Variants in SLFN11 observed in about 807,000 individuals in gnomAD.
SLFN11 encodes the protein schlafen family member 11.
In SLFN11, 43 loss-of-function variants were observed where a neutral mutation model predicts 53.4. That is an observed-to-expected ratio of 0.80 (90% CI 0.63 to 1.04). The LOEUF (loss-of-function observed/expected upper bound fraction) is 1.04, where lower values mean the gene tolerates loss of function less well. SLFN11 is among the 50% of genes least tolerant of loss of function. The pLI is 0.00. For synonymous variants in SLFN11, 389 were observed against 394.7 expected (o/e 0.99, Z 0.17); for missense variants, 990 against 1,079.1 (o/e 0.92, Z 1.16).
Position 35,363,792 on chromosome 17 carries a change from A to T in SLFN11, c.16T>A (p.Cys6Ser), listed in dbSNP as rs765675350. 1.3e-6 allele frequency: 2 copies of T among 1,578,612 alleles called. No homozygotes were observed. Among genetic ancestry groups the T allele is most frequent in the East Asian group, 4.5e-5 (2 of 44,734 alleles). ...TAAGATGGTTCCACAACCAGGGGGC[A>T]CTGATTTGCCTCCATGTTGAACTCA... MEANQCPLVVEPSYPD... is the reference protein window; with the variant it reads MEANQSPLVVEPSYPD... Residue 6 changes from cysteine (C) to serine (S), a missense_variant, in exon 4 of 7, where the codon TGC becomes AGC. Physicochemically the swap from Cys to Ser is moderately radical, Grantham distance 112. Coordinates refer to ENST00000685675, the MANE Select transcript of SLFN11 (RefSeq NM_001376007.1).
intron 6 of SLFN11, 24 bp downstream of exon 6, chr17:35,353,312 G>A (rs2671838): frequency 1.5e-5 from 25 of 1,613,804 alleles, no homozygotes; most frequent in South Asian, 2.2e-5. Flanking sequence ...ATAATACTTA[G>A]AGACGTAAGA....
chr17:35,362,531 A>C (rs1908356543), intron 4 of SLFN11, among the ~76,000 whole-genome samples: 1 of 152,192 alleles, frequency 6.6e-6, no homozygotes, highest in South Asian at 2.1e-4. Flanking sequence ...ACTAATGTAG[A>C]AAATTGGCCA....
chr17:35,360,125 G>T, intron 5 of SLFN11, 118 bp downstream of exon 5: 1 of 1,038,386 alleles, frequency 9.6e-7, no homozygotes, highest in Non-Finnish European at 1.4e-6. Context: ...ACATCATCAC[G>T]TCTTACAAAT....
chr17:35,362,032 C>A (rs1465964972), intron 4 of SLFN11, among the ~76,000 whole-genome samples: 1 of 152,018 alleles, frequency 6.6e-6, no homozygotes, highest in Non-Finnish European at 1.5e-5. Context: ...CCAAGCCCAG[C>A]CCAAGAAAGC....
chr17:35,356,075 A>G (rs1907428213), intron 5 of SLFN11, among the ~76,000 whole-genome samples: 1 of 151,780 alleles, frequency 6.6e-6, no homozygotes, highest in Non-Finnish European at 1.5e-5. Flanking sequence ...GCTGATTCTG[A>G]CCTACTACAC....
At chr17:35,369,469 A>G (rs990795303) in intron 1 of SLFN11, among the ~76,000 whole-genome samples, 2 of 152,208 alleles carry the variant, frequency 1.3e-5, no homozygotes, top group Non-Finnish European at 2.9e-5. Flanking sequence ...TAGACTTCTA[A>G]GGTTTTCTTA....
At chr17:35,356,593 A>G in intron 5 of SLFN11, among the ~76,000 whole-genome samples, 1 of 152,122 alleles carries the variant, frequency 6.6e-6, no homozygotes, top group Non-Finnish European at 1.5e-5. Context: ...TTAGCAATGT[A>G]TGGTAGAGAT....
At position 35,363,233 on chromosome 17, in the gene SLFN11, A is replaced by G. The variant is rs1567824074; in HGVS notation, c.575T>C (p.Leu192Pro). The G allele has an allele frequency of 1.9e-6, 3 of 1,614,104 alleles. No homozygotes were observed. Among genetic ancestry groups the G allele is most frequent in the Non-Finnish European group, 2.5e-6 (3 of 1,180,004 alleles). Residue 192 changes from leucine to proline, a missense_variant, in exon 4 of 7, where the codon CTA becomes CCA. Leu to Pro is a moderately conservative substitution (Grantham distance 98). Coordinates refer to ENST00000685675, the MANE Select transcript of SLFN11 (RefSeq NM_001376007.1). The stretch of plus-strand genomic sequence containing the variant: ...TTCAAGATAGTCTTTTTGGAAAATT[A>G]GGTCAGCAGGATCCGAGTTTGGGTC... ...PADPNSDPAD[L>P]IFQKDYLEYG...
chr17:35,367,328 C>G (rs1909079603), intron 2 of SLFN11: 1 of 152,014 alleles, frequency 6.6e-6, no homozygotes, highest in African/African-American at 2.4e-5. Flanking sequence ...AAACAGCAAC[C>G]CCACCATCTG....
intron 5 of SLFN11, chr17:35,360,027 T>C: frequency 4.3e-6 from 2 of 469,012 alleles, no homozygotes; most frequent in Non-Finnish European, 7.5e-6. Context: ...AGGGAAATAA[T>C]GTTCCTGGAT....
chr17:35,359,669 A>G (rs1351074848), intron 5 of SLFN11, among the ~76,000 whole-genome samples: 2 of 152,180 alleles, frequency 1.3e-5, no homozygotes, highest in Admixed American at 6.5e-5. Context: ...GAAGAAATGC[A>G]TAATCCATCT....
chr17:35,371,893 A>T (rs1224269184), intron 1 of SLFN11, among the ~76,000 whole-genome samples: 1 of 152,142 alleles, frequency 6.6e-6, no homozygotes, highest in African/African-American at 2.4e-5. Context: ...TAGTACAACT[A>T]TTATGGAGAA....
chr17:35,360,747 A>C (rs913313498), intron 4 of SLFN11, among the ~76,000 whole-genome samples: 8 of 152,040 alleles, frequency 5.3e-5, no homozygotes, highest in African/African-American at 1.9e-4. Context: ...TCCTGAACCC[A>C]ACTCTCAACT....
chr17:35,373,176 G>T (rs1909905741), intron 1 of SLFN11, among the ~76,000 whole-genome samples: 1 of 151,972 alleles, frequency 6.6e-6, no homozygotes. Context: ...CGCAGAAACC[G>T]CGGCTGGCTG....
At chr17:35,368,617 C>A (rs1909256858) in intron 1 of SLFN11, among the ~76,000 whole-genome samples, 1 of 152,062 alleles carries the variant, frequency 6.6e-6, no homozygotes, top group African/African-American at 2.4e-5. Context: ...GAGATCAGAG[C>A]CAGTAGGCTT....
At chr17:35,356,797 TACAC>T (rs61566848) in intron 5 of SLFN11, among the ~76,000 whole-genome samples, 3,949 of 140,138 alleles carry the variant, frequency 0.028, 80 homozygotes, top group African/African-American at 0.06. Context: ...ATATGTAGCA[TACAC>T]ACACACACAC....
rs1906718258 is a variant in SLFN11 at position 35,351,820 on chromosome 17, T to C, written c.*536A>G. The C allele has an allele frequency of 6.5e-6, 1 of 154,046 alleles. No individual in the cohort carries two copies. The highest frequency in any genetic ancestry group is 2.0e-4 in the South Asian group (1 of 4,932). 9.5% of individuals were successfully genotyped at this position (154,046 alleles called of 1,614,324 possible). A position where few individuals can be genotyped will look rare whatever the true frequency, so the allele number is the denominator to read the frequency against. The stretch of plus-strand genomic sequence containing the variant: ...CTTTGTCCTGACAAAATTATTAATC[T>C]GACAGTGACTGAATTATCTTCGGAC... On this transcript the variant is annotated 3_prime_UTR_variant, in exon 7 of 7. Transcript: ENST00000685675.
chr17:35,372,772 C>T (rs1479193915), intron 1 of SLFN11, among the ~76,000 whole-genome samples: 3 of 151,766 alleles, frequency 2.0e-5, no homozygotes, highest in Admixed American at 2.0e-4. Context: ...CTACTATGTA[C>T]CCACAGAAAT....
In SLFN11 at chr17:35,363,808, GT is replaced by G; in HGVS notation, c.-2del. On this transcript the variant is annotated 5_prime_UTR_variant, in exon 4 of 7. Coordinates refer to ENST00000685675, the MANE Select transcript of SLFN11 (RefSeq NM_001376007.1). ...CCAGGGGGCACTGATTTGCCTCCAT[GT>G]TGAACTCACAGCTGAAACTATTAGA... is the stretch of plus-strand genomic sequence containing the variant. 1 of 1,558,772 alleles carries G rather than the reference GT, an allele frequency of 6.4e-7. No individual in the cohort carries two copies. The highest frequency in any genetic ancestry group is 8.6e-7 in the Non-Finnish European group (1 of 1,158,462).
Sources: allele counts gnomAD v4.1 joint callset (sites outside exome capture counted in the v4.1 genomes callset), GRCh38; gene constraint gnomAD v4.1.1; transcripts MANE v1.5; gene names NCBI Gene and HGNC (gene_info 2026-07-23, HGNC 2026-07-21).